Variants in LRBA observed in about 807,000 individuals in gnomAD.
LRBA encodes the protein lipopolysaccharide-responsive and beige-like anchor protein.
A neutral mutation model predicts 330.0 loss-of-function variants in LRBA; 176 were observed. The ratio of observed to expected loss-of-function variants is 0.53; its 90% CI spans 0.47 to 0.60. LRBA has a LOEUF of 0.60. LRBA is among the 20% of genes least tolerant of loss of function. The pLI is 0.00. For missense variants in LRBA, 3,259 were observed against 3,444.8 expected (o/e 0.95, Z 1.35); for synonymous variants, 1,230 against 1,193.0 (o/e 1.03, Z -0.64).
At chr4:150,737,763 TA>T (rs1415834813) in intron 35 of LRBA, among the ~76,000 whole-genome samples, 6 of 152,124 alleles carry the variant, frequency 3.9e-5, no homozygotes, top group African/African-American at 1.4e-4. Flanking sequence ...CTATTGTCAG[TA>T]AAGATGAGAA....
chr4:150,920,467 T>C (rs1733130509), intron 5 of LRBA, among the ~76,000 whole-genome samples: 1 of 152,088 alleles, frequency 6.6e-6, no homozygotes, highest in Non-Finnish European at 1.5e-5. Context: ...AAGAATCGCT[T>C]GAAACCAGGA....
chr4:150,648,014 C>T (rs1370199989), intron 37 of LRBA, among the ~76,000 whole-genome samples: 2 of 150,732 alleles, frequency 1.3e-5, no homozygotes, highest in Non-Finnish European at 3.0e-5. Context: ...CTGAGAATAG[C>T]AGGTATTTTT....
At chr4:150,470,405 TTCTC>T (rs1402017223) in intron 43 of LRBA, among the ~76,000 whole-genome samples, 1 of 152,136 alleles carries the variant, frequency 6.6e-6, no homozygotes, top group East Asian at 1.9e-4. Flanking sequence ...CTAACTTTCC[TTCTC>T]TCTTCTCATA....
At chr4:150,782,377 A>C (rs781517868) in intron 34 of LRBA, among the ~76,000 whole-genome samples, 8 of 152,234 alleles carry the variant, frequency 5.3e-5, no homozygotes, top group South Asian at 4.1e-4. Context: ...TTGTTTTCTC[A>C]TAATTCTAAA....
intron 17 of LRBA, among the ~76,000 whole-genome samples, chr4:150,891,943 T>C (rs1357830958): frequency 6.6e-6 from 1 of 152,048 alleles, no homozygotes; most frequent in Non-Finnish European, 1.5e-5. Flanking sequence ...ACTTTTAAAA[T>C]AAGCTGGGCA....
intron 2 of LRBA, among the ~76,000 whole-genome samples, chr4:151,005,955 T>C (rs947954960): frequency 2.0e-5 from 3 of 151,768 alleles, no homozygotes; most frequent in Non-Finnish European, 4.4e-5. Flanking sequence ...AATTGTACAA[T>C]GAAAAATACA....
At chr4:150,913,911 C>T (rs771775638) in intron 9 of LRBA, among the ~76,000 whole-genome samples, 1 of 152,046 alleles carries the variant, frequency 6.6e-6, no homozygotes, top group African/African-American at 2.4e-5. Flanking sequence ...ATTTATGGGG[C>T]CCATAAAATG....
intron 2 of LRBA, among the ~76,000 whole-genome samples, chr4:150,983,609 T>C (rs1741104080): frequency 1.3e-5 from 2 of 151,628 alleles, no homozygotes; most frequent in South Asian, 2.1e-4. Flanking sequence ...CCCGCCACCA[T>C]ACCTGGCTAA....
chr4:150,319,154 C>T (rs1272476627), intron 50 of LRBA, among the ~76,000 whole-genome samples: 1 of 152,088 alleles, frequency 6.6e-6, no homozygotes, highest in Non-Finnish European at 1.5e-5. Flanking sequence ...CAGCTGGAGA[C>T]CGAGGAGCCC....
chr4:150,708,806 C>T (rs973332448), intron 36 of LRBA, among the ~76,000 whole-genome samples: 3 of 151,684 alleles, frequency 2.0e-5, no homozygotes, highest in Non-Finnish European at 4.4e-5. Flanking sequence ...ATAATAGAGA[C>T]AAAAATTCTA....
intron 36 of LRBA, among the ~76,000 whole-genome samples, chr4:150,726,628 C>A (rs1729713274): frequency 6.6e-6 from 1 of 152,040 alleles, no homozygotes; most frequent in South Asian, 2.1e-4. Context: ...CACAAGTTGG[C>A]AGGAAAGAGA....
chr4:150,330,998 C>G (rs1372150586), intron 48 of LRBA, among the ~76,000 whole-genome samples: 1 of 152,002 alleles, frequency 6.6e-6, no homozygotes, highest in Non-Finnish European at 1.5e-5. Flanking sequence ...CTGGTATTTG[C>G]TATTAGAAAG....
At chr4:150,617,618 G>A (rs892879780) in intron 37 of LRBA, among the ~76,000 whole-genome samples, 1 of 152,096 alleles carries the variant, frequency 6.6e-6, no homozygotes, top group Admixed American at 6.5e-5. Flanking sequence ...CTCCAGCCTG[G>A]GCAACAAGAA....
rs866599625 is a variant in LRBA at position 150,371,182 on chromosome 4, A to T, written c.7195-21023T>A. Among the ~76,000 whole-genome samples the T allele has an allele frequency of 5.2e-3, 481 of 91,936 alleles. 3 individuals carry two copies. Among genetic ancestry groups the T allele is most frequent in the African/African-American group, 0.02 (415 of 20,838 alleles). 60.3% of individuals were successfully genotyped at this position (91,936 alleles called of 152,430 possible). ...AAAAGCATGAGCTGCAAGCTACTAA[A>T]TTTTTTTTTTTTTTTTTTTTTTTTT... On this transcript the variant is annotated intron_variant, in intron 47 of 56. Transcript: ENST00000651943.
chr4:150,574,168 A>G (rs1407309332), intron 40 of LRBA, among the ~76,000 whole-genome samples: 2 of 152,042 alleles, frequency 1.3e-5, no homozygotes, highest in African/African-American at 4.8e-5. Flanking sequence ...TTCAACCCCT[A>G]TCAAGCAATA....
chr4:150,302,458 G>T (rs1457457020), intron 53 of LRBA, among the ~76,000 whole-genome samples, 167 bp downstream of exon 53: 1 of 151,882 alleles, frequency 6.6e-6, no homozygotes, highest in East Asian at 1.9e-4. Context: ...ATTATCAATG[G>T]TCACAAAATT....
At chr4:150,411,373 A>G (rs1435264200) in intron 47 of LRBA, among the ~76,000 whole-genome samples, 1 of 152,164 alleles carries the variant, frequency 6.6e-6, no homozygotes, top group Non-Finnish European at 1.5e-5. Context: ...TACCAAAATC[A>G]TGCTCCTAAA....
chr4:150,834,715 G>C (rs1340951383), intron 28 of LRBA, among the ~76,000 whole-genome samples: 1 of 152,172 alleles, frequency 6.6e-6, no homozygotes, highest in Non-Finnish European at 1.5e-5. Flanking sequence ...GTCACCAGCT[G>C]TATTAGTCCC....
intron 33 of LRBA, among the ~76,000 whole-genome samples, chr4:150,803,179 G>C (rs1260764729): frequency 6.7e-6 from 1 of 150,040 alleles, no homozygotes; most frequent in Non-Finnish European, 1.5e-5. Flanking sequence ...ATATGGGCTG[G>C]GTATTAGACG....
Sources: gnomAD v4.1 joint callset for allele counts (sites outside exome capture counted in the v4.1 genomes callset) on GRCh38, gnomAD v4.1.1 for gene constraint, MANE v1.5 for transcripts, NCBI Gene and HGNC (gene_info 2026-07-23, HGNC 2026-07-21) for gene names.